KCNU1: variants seen among roughly 807,000 people sequenced by gnomAD.
The protein encoded by KCNU1 is potassium calcium-activated channel subfamily U member 1.
KCNU1 carries 93 observed loss-of-function variants against 126.8 expected under a neutral mutation model. The observed-to-expected ratio is 0.73, with a 90% CI of 0.62 to 0.87. KCNU1 has a LOEUF of 0.87. Among genes scored for constraint, KCNU1 ranks in the 40% least tolerant of loss-of-function variants. The probability of loss-of-function intolerance (pLI) is 0.00; values close to 1 mark genes in which losing one functional copy is unlikely to be tolerated. For synonymous variants in KCNU1, 523 were observed against 494.2 expected (o/e 1.06, Z -0.77); for missense variants, 1,330 against 1,367.1 (o/e 0.97, Z 0.43).
At chr8:36,799,629 G>A (rs939551538) in intron 2 of KCNU1, among the ~76,000 whole-genome samples, 1 of 151,538 alleles carries the variant, frequency 6.6e-6, no homozygotes, top group African/African-American at 2.4e-5. Context: ...CTGCCTCCCG[G>A]GTTCAATCAA....
intron 18 of KCNU1, among the ~76,000 whole-genome samples, chr8:36,861,398 C>A (rs970942166): frequency 2.0e-5 from 3 of 152,074 alleles, no homozygotes; most frequent in Non-Finnish European, 4.4e-5. Context: ...ACTTGGTCTC[C>A]CTGGCTCTGG....
intron 15 of KCNU1, 29 bp from the exon 16 acceptor site, chr8:36,840,903 T>C: frequency 2.0e-6 from 3 of 1,535,094 alleles, no homozygotes; most frequent in Middle Eastern, 1.7e-4. Context: ...CCGCTTGCTC[T>C]CCTTTTGACT....
chr8:36,865,217 G>A (rs976685346), intron 19 of KCNU1, among the ~76,000 whole-genome samples: 6 of 151,988 alleles, frequency 3.9e-5, no homozygotes, highest in Non-Finnish European at 7.4e-5. Context: ...TAAATATTTT[G>A]TACGTTTTTA....
chr8:36,896,123 G>T (rs1807179571), intron 19 of KCNU1, among the ~76,000 whole-genome samples: 2 of 151,596 alleles, frequency 1.3e-5, no homozygotes, highest in South Asian at 4.1e-4. Context: ...TTTTTTATTA[G>T]TAGACCTATA....
At chr8:36,842,090 CA>C (rs759241546) in intron 16 of KCNU1, among the ~76,000 whole-genome samples, 3 of 152,256 alleles carry the variant, frequency 2.0e-5, no homozygotes, top group Admixed American at 6.5e-5. Context: ...TAGGAATTAA[CA>C]GACTAGATTC....
chr8:36,791,671 G>T (rs1269409066), intron 2 of KCNU1, among the ~76,000 whole-genome samples: 1 of 152,014 alleles, frequency 6.6e-6, no homozygotes, highest in Non-Finnish European at 1.5e-5. Context: ...AAATGGGAAA[G>T]AATATTTCAA....
At chr8:36,929,201 G>T (rs1170035379) in intron 24 of KCNU1, among the ~76,000 whole-genome samples, 1 of 151,928 alleles carries the variant, frequency 6.6e-6, no homozygotes, top group African/African-American at 2.4e-5. Context: ...GGCCAACATG[G>T]CAAAACCATG....
intron 19 of KCNU1, among the ~76,000 whole-genome samples, chr8:36,878,053 G>T (rs1357725686): frequency 6.6e-6 from 1 of 152,046 alleles, no homozygotes; most frequent in African/African-American, 2.4e-5. Flanking sequence ...AGATAAAAAG[G>T]ACTTTGTATT....
At chr8:36,858,552 A>G (rs1805616476) in intron 18 of KCNU1, among the ~76,000 whole-genome samples, 1 of 152,200 alleles carries the variant, frequency 6.6e-6, no homozygotes, top group South Asian at 2.1e-4. Context: ...CTTTAAACAC[A>G]GTGTACAAAC....
intron 19 of KCNU1, among the ~76,000 whole-genome samples, chr8:36,875,753 A>T (rs974996281): frequency 6.6e-6 from 1 of 152,170 alleles, no homozygotes; most frequent in African/African-American, 2.4e-5. Context: ...TTTCGTGCAG[A>T]TTAGCTAGCT....
At chr8:36,801,410 T>C (rs1803299253) in intron 2 of KCNU1, among the ~76,000 whole-genome samples, 1 of 150,156 alleles carries the variant, frequency 6.7e-6, no homozygotes, top group South Asian at 2.1e-4. Context: ...GGGTTTGTGG[T>C]ATTCAATTCT....
At position 36,807,456 on chromosome 8, in the gene KCNU1, T is replaced by C. The variant is rs1803545743; in HGVS notation, c.656+6T>C. 1.9e-6 allele frequency: 3 copies of C among 1,602,964 alleles called. No individual in the cohort carries two copies. The highest frequency in any genetic ancestry group is 2.7e-5 in the African/African-American group (2 of 74,788). On this transcript the variant is annotated splice_donor_region_variant and intron_variant, in intron 6 of 26. Transcript: ENST00000399881. ...CTACGAGCCATCAAGACCAGGTAAA[T>C]AGCCCTGACCGAAGTACTGCTTACT...
intron 2 of KCNU1, among the ~76,000 whole-genome samples, chr8:36,789,968 A>G (rs1356658034): frequency 6.6e-6 from 1 of 152,182 alleles, no homozygotes; most frequent in African/African-American, 2.4e-5. Flanking sequence ...TAAGATTCAT[A>G]GGGAAGAGCT....
chr8:36,913,196 C>T (rs184350845), intron 22 of KCNU1, among the ~76,000 whole-genome samples: 48 of 151,912 alleles, frequency 3.2e-4, no homozygotes, highest in Non-Finnish European at 4.0e-4. Context: ...TTTATTCATT[C>T]AATCAACAAA....
At chr8:36,827,993 C>T (rs1804388060) in intron 10 of KCNU1, among the ~76,000 whole-genome samples, 1 of 152,070 alleles carries the variant, frequency 6.6e-6, no homozygotes, top group African/African-American at 2.4e-5. Context: ...ATTTCTTCTT[C>T]AGGTTTGTAA....
rs2130588609 is a variant in KCNU1 at position 36,843,937 on chromosome 8, G to A, written c.1704-1643G>A. Among the ~76,000 whole-genome samples the A allele has an allele frequency of 1.3e-5, 2 of 152,262 alleles. 1 individual carries two copies. Among genetic ancestry groups the A allele is most frequent in the South Asian group, 4.1e-4 (2 of 4,820 alleles). ...AGCAACCAGCCAAATCATAAAGAGT[G>A]AATCAACTAATAACACCATGTTAGG... On this transcript the variant is annotated intron_variant, in intron 16 of 26. Coordinates refer to ENST00000399881, the MANE Select transcript of KCNU1 (RefSeq NM_001031836.3).
At chr8:36,847,488 C>T (rs1805193032) in intron 18 of KCNU1, among the ~76,000 whole-genome samples, 1 of 152,172 alleles carries the variant, frequency 6.6e-6, no homozygotes, top group African/African-American at 2.4e-5. Context: ...ACCAATCTCT[C>T]TGCATCTTCC....
At chr8:36,842,777 T>A (rs1337047971) in intron 16 of KCNU1, among the ~76,000 whole-genome samples, 1 of 152,172 alleles carries the variant, frequency 6.6e-6, no homozygotes, top group African/African-American at 2.4e-5. Context: ...TTCAAGTGAT[T>A]CTCCTGCCTC....
intron 19 of KCNU1, among the ~76,000 whole-genome samples, chr8:36,892,366 A>C (rs1354271991): frequency 7.2e-5 from 11 of 151,914 alleles, no homozygotes. Flanking sequence ...TATTGTTCTC[A>C]TACTTTTCTT....
Sources: allele counts gnomAD v4.1 joint callset (sites outside exome capture counted in the v4.1 genomes callset), GRCh38; gene constraint gnomAD v4.1.1; transcripts MANE v1.5; gene names NCBI Gene and HGNC (gene_info 2026-07-23, HGNC 2026-07-21).